Variants in FANCI observed in about 807,000 individuals in gnomAD.
FANCI encodes Fanconi anemia group I protein.
A neutral mutation model predicts 176.1 loss-of-function variants in FANCI; 156 were observed. The ratio of observed to expected loss-of-function variants is 0.89; its 90% CI spans 0.78 to 1.01. FANCI has a LOEUF of 1.01. Ranked by LOEUF, FANCI falls within the 50% of genes least tolerant of loss-of-function variation. FANCI has a pLI of 0.00. For missense variants in FANCI, 1,678 were observed against 1,534.1 expected (o/e 1.09, Z -1.57); for synonymous variants, 613 against 541.7 (o/e 1.13, Z -1.83).
rs1168774421 is a variant in FANCI at position 89,281,700 on chromosome 15, G to C, written c.1513-65G>C. On this transcript the variant is annotated intron_variant, in intron 15 of 37. Coordinates refer to ENST00000310775, the MANE Select transcript of FANCI (RefSeq NM_001113378.2). Reference sequence around the variant, plus strand: ...ATAGAAGCCATATGGTAACAGTATTGGGTAGAAATGACCTAAGGCTAATAA... The same window carrying C: ...ATAGAAGCCATATGGTAACAGTATTCGGTAGAAATGACCTAAGGCTAATAA... The C allele has an allele frequency of 2.1e-6, 3 of 1,407,162 alleles. No homozygotes were observed. In the African/African-American group the frequency reaches 4.2e-5, roughly 20 times the overall value. 87.2% of individuals were successfully genotyped at this position (1,407,162 alleles called of 1,614,324 possible).
intron 1 of FANCI, chr15:89,245,408 A>T (rs2051920894): frequency 8.1e-6 from 1 of 123,568 alleles, no homozygotes; most frequent in Non-Finnish European, 1.6e-5. Flanking sequence ...CATCTTGGCC[A>T]GGAAGGTCTG....
chr15:89,269,882 C>G lies in FANCI; in HGVS notation c.882+1357C>G, dbSNP rs1029165924. On this transcript the variant is annotated intron_variant, in intron 10 of 37. Coordinates refer to ENST00000310775, the MANE Select transcript of FANCI (RefSeq NM_001113378.2). ...CTAGAGTGCCGTGGCCCAATCTTGG[C>G]TCACTGCAACCTCCACCTCCCAGGT... Among the ~76,000 whole-genome samples the G allele has an allele frequency of 5.3e-5, 8 of 151,740 alleles. No homozygotes were observed. The East Asian group carries it at 1.2e-3, about 22-fold the overall frequency.
At chr15:89,305,269 A>G (rs766292092) in intron 29 of FANCI, 27 bp downstream of exon 29, 1 of 1,614,108 alleles carries the variant, frequency 6.2e-7, no homozygotes, top group South Asian at 1.1e-5. Flanking sequence ...TCAGTACAAT[A>G]CCCTGTGTGG....
intron 2 of FANCI, among the ~76,000 whole-genome samples, chr15:89,251,399 C>G (rs557580465): frequency 6.6e-6 from 1 of 152,224 alleles, no homozygotes; most frequent in Non-Finnish European, 1.5e-5. Flanking sequence ...GGTAGATAGT[C>G]CTAATGCTAC....
At chr15:89,270,494 T>A (rs1021667130) in intron 10 of FANCI, among the ~76,000 whole-genome samples, 2 of 152,188 alleles carry the variant, frequency 1.3e-5, no homozygotes, top group African/African-American at 4.8e-5. Context: ...ATACCAGGAA[T>A]TCAAATTTTA....
At chr15:89,277,509 A>C (rs1341655659) in intron 13 of FANCI, among the ~76,000 whole-genome samples, 4 of 150,416 alleles carry the variant, frequency 2.7e-5, no homozygotes. Context: ...CCAGCTACTT[A>C]GGTGACTGAG....
rs1188205594 is a variant in FANCI at position 89,294,011 on chromosome 15, A to G, written c.2456+14A>G. 1 of 1,614,048 alleles carries G rather than the reference A, an allele frequency of 6.2e-7. No individual in the cohort carries two copies. Among genetic ancestry groups the G allele is most frequent in the East Asian group, 2.2e-5 (1 of 44,866 alleles). On this transcript the variant is annotated intron_variant, in intron 23 of 37. Coordinates refer to ENST00000310775, the MANE Select transcript of FANCI (RefSeq NM_001113378.2). Reference sequence around the variant, plus strand: ...TGCTCTTTTCAGGTAAGGTTCTGCTAGAGTGCTTAAAGACAGCCACTCCCT... The same window carrying G: ...TGCTCTTTTCAGGTAAGGTTCTGCTGGAGTGCTTAAAGACAGCCACTCCCT...
At chr15:89,313,977 A>T (rs570215792) in intron 35 of FANCI, among the ~76,000 whole-genome samples, 6 of 102,384 alleles carry the variant, frequency 5.9e-5, no homozygotes, top group South Asian at 2.9e-4. Flanking sequence ...ATATAATCAC[A>T]CACACACACA....
chr15:89,253,886 G>T (rs1382126280), intron 2 of FANCI, among the ~76,000 whole-genome samples: 1 of 146,300 alleles, frequency 6.8e-6, no homozygotes, highest in East Asian at 2.0e-4. Context: ...AAGAAAATAT[G>T]CTCAACTTCA....
In FANCI at chr15:89,255,326, A is replaced by AC. The variant is rs2052445846; in HGVS notation, c.85-3378_85-3377insC. Among the ~76,000 whole-genome samples, 12 of 152,308 alleles carry AC rather than the reference A, an allele frequency of 7.9e-5. 1 individual carries two copies. The South Asian group carries it at 2.5e-3, about 32-fold the overall frequency. ...TCACTGAGCTCTTGATGTCAGTGTTATTCCTGGTGATACTGACTTTGATAA... is the reference window on the plus strand; with the variant it reads ...TCACTGAGCTCTTGATGTCAGTGTTACTTCCTGGTGATACTGACTTTGATAA... On this transcript the variant is annotated intron_variant, in intron 2 of 37. Transcript: ENST00000310775.
intron 34 of FANCI, among the ~76,000 whole-genome samples, chr15:89,308,883 T>C (rs1596330223): frequency 6.7e-6 from 1 of 149,968 alleles, no homozygotes; most frequent in African/African-American, 2.5e-5. Context: ...AGGGCGGAGG[T>C]TGCAGTGAGC....
chr15:89,288,069 A>G (rs1174457694), intron 18 of FANCI, among the ~76,000 whole-genome samples: 1 of 152,204 alleles, frequency 6.6e-6, no homozygotes, highest in Non-Finnish European at 1.5e-5. Context: ...GGTTGCCACA[A>G]ACCTTTAATT....
intron 15 of FANCI, 77 bp downstream of exon 15, chr15:89,281,377 T>G: frequency 1.3e-6 from 2 of 1,521,556 alleles, no homozygotes; most frequent in Non-Finnish European, 1.8e-6. Context: ...CATTTTTGTA[T>G]AAATATATAT....
chr15:89,304,008 C>T, intron 28 of FANCI, 93 bp downstream of exon 28: 1 of 1,233,524 alleles, frequency 8.1e-7, no homozygotes, highest in South Asian at 1.2e-5. Flanking sequence ...CCATTCATTA[C>T]ACATTCACCA....
At chr15:89,266,361 C>T (rs1318965889) in intron 9 of FANCI, among the ~76,000 whole-genome samples, 1 of 148,938 alleles carries the variant, frequency 6.7e-6, no homozygotes, top group Non-Finnish European at 1.5e-5. Context: ...GGAAGTCTCA[C>T]TGTGTTGCCC....
intron 3 of FANCI, 132 bp downstream of exon 3, chr15:89,258,908 C>T: frequency 1.4e-6 from 1 of 740,212 alleles, no homozygotes; most frequent in South Asian, 1.4e-5. Flanking sequence ...ACAGAATCAA[C>T]TACAGCAGCA....
chr15:89,293,213 T>A, intron 22 of FANCI, 150 bp downstream of exon 22: 1 of 853,944 alleles, frequency 1.2e-6, no homozygotes, highest in South Asian at 1.5e-5. Flanking sequence ...TAAACTGTGT[T>A]CTTTCCACTA....
chr15:89,279,689 C>T (rs925636828), intron 14 of FANCI, among the ~76,000 whole-genome samples: 60 of 152,072 alleles, frequency 3.9e-4, no homozygotes, highest in Admixed American at 3.3e-3. Context: ...TTTCATTGCT[C>T]CTATTTCCAT....
chr15:89,301,285 G>T, intron 26 of FANCI, 41 bp from the exon 27 acceptor site: 1 of 1,314,440 alleles, frequency 7.6e-7, no homozygotes. Context: ...ATAGGAACGT[G>T]TCTGCTAACA....
Sources: gnomAD v4.1 joint callset for allele counts (sites outside exome capture counted in the v4.1 genomes callset) on GRCh38, gnomAD v4.1.1 for gene constraint, MANE v1.5 for transcripts, NCBI Gene and HGNC (gene_info 2026-07-23, HGNC 2026-07-21) for gene names.